The following PTPN23 variants were observed in gnomAD, a reference collection of about 807,000 sequenced individuals.
PTPN23 encodes the protein protein tyrosine phosphatase non-receptor type 23.
In PTPN23, 72 loss-of-function variants were observed where a neutral mutation model predicts 156.3. That is an observed-to-expected ratio of 0.46 (90% confidence interval 0.38 to 0.56). The LOEUF is 0.56. Among genes scored for constraint, PTPN23 ranks in the 20% least tolerant of loss-of-function variants. The pLI is 0.00. For synonymous variants in PTPN23, 957 were observed against 899.6 expected (o/e 1.06, Z -1.14); for missense variants, 1,974 against 2,171.5 (o/e 0.91, Z 1.81).
At chr3:47,383,871 A>G (rs1418196323) in intron 1 of PTPN23, among the ~76,000 whole-genome samples, 1 of 152,188 alleles carries the variant, frequency 6.6e-6, no homozygotes, top group East Asian at 1.9e-4. Context: ...ACACCACTGC[A>G]GCCTGGGGAC....
At chr3:47,384,756 C>T (rs1704619578) in intron 1 of PTPN23, among the ~76,000 whole-genome samples, 1 of 151,878 alleles carries the variant, frequency 6.6e-6, no homozygotes, top group South Asian at 2.1e-4. Flanking sequence ...GGATATTGGA[C>T]CCGTGTGAAT....
intron 1 of PTPN23, among the ~76,000 whole-genome samples, chr3:47,389,039 C>T (rs1704713953): frequency 6.6e-6 from 1 of 152,118 alleles, no homozygotes; most frequent in Non-Finnish European, 1.5e-5. Flanking sequence ...CACTCCCCCA[C>T]CCCACTCCCA....
Position 47,410,763 on chromosome 3 carries a change from C to T in PTPN23, c.2965C>T (p.Pro989Ser). 2 of 1,556,854 alleles carry T rather than the reference C, an allele frequency of 1.3e-6. No individual in the cohort carries two copies. The highest frequency in any genetic ancestry group is 2.4e-5 in the East Asian group (1 of 42,088). ...TCCACATCTCTTCCCACCCCAGGCCCCAGGACTCCTACCCCCACAATCCCC... is the reference window on the plus strand; with the variant it reads ...TCCACATCTCTTCCCACCCCAGGCCTCAGGACTCCTACCCCCACAATCCCC... ...QHPHLFPPQAPGLLPPQSPYP... is the reference protein window; with the variant it reads ...QHPHLFPPQASGLLPPQSPYP... Residue 989 changes from proline to serine, a missense_variant, in exon 20 of 25, where the codon CCA (proline) becomes TCA (serine). Pro to Ser is a moderately conservative substitution (Grantham distance 74). Coordinates refer to ENST00000265562, the MANE Select transcript of PTPN23 (RefSeq NM_015466.4).
At chr3:47,394,471 G>A (rs763873900) in intron 1 of PTPN23, among the ~76,000 whole-genome samples, 4 of 152,190 alleles carry the variant, frequency 2.6e-5, no homozygotes, top group Non-Finnish European at 5.9e-5. Context: ...TCCCTGGGAG[G>A]TGCCAGAGGA....
At chr3:47,382,674 T>C (rs1704569147) in intron 1 of PTPN23, among the ~76,000 whole-genome samples, 2 of 135,852 alleles carry the variant, frequency 1.5e-5, no homozygotes, top group East Asian at 4.5e-4. Context: ...GTTTTCTTTT[T>C]CTTTTCTTTT....
In PTPN23 at chr3:47,407,364, G is replaced by A. The variant is rs748891170; in HGVS notation, c.920G>A (p.Gly307Glu). 15 of 1,613,956 alleles carry A rather than the reference G, an allele frequency of 9.3e-6. No homozygotes were observed. In the South Asian group the frequency reaches 1.6e-4, roughly 18 times the overall value. The change falls in exon 11 of 25, where the codon GGA (glycine) becomes GAA (glutamate). Residue 307 changes from glycine (G) to glutamate (E), a missense_variant. Coordinates refer to ENST00000265562, the MANE Select transcript of PTPN23 (RefSeq NM_015466.4). The surrounding 1 kb of genome is among the most constrained non-coding windows in gnomAD (Gnocchi z 4.0). ...CGCTTCACTATGGATGTCATTGGGG[G>A]AAAGTGAGTCTGTGGGGGTGGCCCT... ...ALRFTMDVIG[G>E]KYNSAKKDND...
In PTPN23 at chr3:47,406,723, C is replaced by T. The variant is rs145837872; in HGVS notation, c.780C>T (p.Ala260=). The stretch of plus-strand genomic sequence containing the variant: ...CCCAGCTGCACATGGGAAAGCAGGC[C>T]GAGGAGCAGCAGAAGTTCGGGGAGC... ...AVAHLHMGKQ[A]EEQQKFGERV... The change falls in exon 9 of 25, where the codon GCC becomes GCT. Residue 260 remains alanine, a synonymous_variant. Coordinates refer to ENST00000265562, the MANE Select transcript of PTPN23 (RefSeq NM_015466.4). This position sits in a 1 kb window ranked among gnomAD's most constrained non-coding sequence, Gnocchi z 5.8. The T allele has an allele frequency of 3.3e-5, 53 of 1,613,744 alleles. No homozygotes were observed. Among genetic ancestry groups the T allele is most frequent in the Admixed American group, 1.3e-4 (8 of 59,992 alleles).
chr3:47,389,860 AAAAG>A (rs1218582679), intron 1 of PTPN23, among the ~76,000 whole-genome samples: 23 of 150,032 alleles, frequency 1.5e-4, no homozygotes, highest in Non-Finnish European at 3.0e-4. Flanking sequence ...AAAAAAAAAA[AAAAG>A]GAGTTCGAGA....
At chr3:47,381,989 A>G (rs1704552502) in intron 1 of PTPN23, among the ~76,000 whole-genome samples, 1 of 152,050 alleles carries the variant, frequency 6.6e-6, no homozygotes, top group African/African-American at 2.4e-5. Flanking sequence ...TAGAGCAGAA[A>G]TGAAAAGGAA....
Position 47,410,473 on chromosome 3 carries a change from C to A in PTPN23, c.2675C>A (p.Pro892His). Residue 892 changes from proline (P) to histidine (H), a missense_variant, in exon 20 of 25, where the codon CCC becomes CAC. Pro to His is a moderately conservative substitution (Grantham distance 77, BLOSUM62 -2). This residue lies in a region of PTPN23 where 731 missense variants were observed against 669.1 expected (regional missense o/e 1.09). Coordinates refer to ENST00000265562, the MANE Select transcript of PTPN23 (RefSeq NM_015466.4). Reference protein sequence around the residue: ...TTVDSIQAPIPSHTAPRPNPT... With the variant: ...TTVDSIQAPIHSHTAPRPNPT... The stretch of plus-strand genomic sequence containing the variant: ...GTAGATAGCATCCAGGCGCCCATCC[C>A]CAGCCACACAGCCCCACGGCCAAAC... 1 of 1,610,094 alleles carries A rather than the reference C, an allele frequency of 6.2e-7. No homozygotes were observed. The highest frequency in any genetic ancestry group is 2.2e-5 in the East Asian group (1 of 44,730).
chr3:47,412,113 A>G lies in PTPN23; in HGVS notation c.4093A>G (p.Ser1365Gly). 1 of 1,613,038 alleles carries G rather than the reference A, an allele frequency of 6.2e-7. No homozygotes were observed. Among genetic ancestry groups the G allele is most frequent in the Non-Finnish European group, 8.5e-7 (1 of 1,180,002 alleles). ...WPELGLPDSP[S>G]NLLRFIQEVH... Reference sequence around the variant, plus strand: ...CCACAGAGGCCTGCCCGACAGCCCCAGCAACTTGCTGCGCTTCATCCAGGA... The same window carrying G: ...CCACAGAGGCCTGCCCGACAGCCCCGGCAACTTGCTGCGCTTCATCCAGGA... Residue 1365 changes from serine (S) to glycine (G), a missense_variant, in exon 22 of 25, where the codon AGC (serine) becomes GGC (glycine). Transcript: ENST00000265562.
At chr3:47,383,903 T>C (rs1704600854) in intron 1 of PTPN23, among the ~76,000 whole-genome samples, 1 of 152,052 alleles carries the variant, frequency 6.6e-6, no homozygotes, top group African/African-American at 2.4e-5. Context: ...TGCACCCCCT[T>C]CCCCAACTGC....
chr3:47,409,354 C>T (rs370305585), intron 17 of PTPN23, 37 bp downstream of exon 17: 48 of 1,613,014 alleles, frequency 3.0e-5, no homozygotes, highest in East Asian at 1.6e-4. Flanking sequence ...GCTCTGGCTC[C>T]GGGCCCCACC....
chr3:47,392,450 G>T (rs925426525), intron 1 of PTPN23, among the ~76,000 whole-genome samples: 1 of 152,102 alleles, frequency 6.6e-6, no homozygotes, highest in Non-Finnish European at 1.5e-5. Flanking sequence ...GCCTACCAAA[G>T]TGCTGGGATT....
At chr3:47,384,072 C>A (rs1412609270) in intron 1 of PTPN23, among the ~76,000 whole-genome samples, 1 of 149,620 alleles carries the variant, frequency 6.7e-6, no homozygotes, top group African/African-American at 2.5e-5. Flanking sequence ...TGGTTAAGTA[C>A]TATGCTGAAC....
chr3:47,411,286 AC>A lies in PTPN23; in HGVS notation c.3492del (p.Tyr1165MetfsTer55). 2 of 1,611,624 alleles carry A rather than the reference AC, an allele frequency of 1.2e-6. No individual in the cohort carries two copies. The highest frequency in any genetic ancestry group is 1.7e-6 in the Non-Finnish European group (2 of 1,179,914). ...CAGGCCCTGCGGCTGATTGAGCGGG[AC>A]CCCTATGAGCATCCTGAGAGGCTGC... ...RPQALRLIER[D>X]PYEHPERLRQ... On this transcript the variant is annotated frameshift_variant, in exon 20 of 25. Transcript: ENST00000265562. LOFTEE classifies it high-confidence loss of function. This position sits in a 1 kb window ranked among gnomAD's most constrained non-coding sequence, Gnocchi z 6.3.
Position 47,410,580 on chromosome 3 carries a change from G to A in PTPN23, c.2782G>A (p.Ala928Thr), listed in dbSNP as rs201855146. The A allele has an allele frequency of 1.9e-4, 306 of 1,612,138 alleles. 1 individual carries two copies. In the East Asian group the frequency reaches 5.1e-3, roughly 27 times the overall value. Residue 928 changes from alanine to threonine, a missense_variant, in exon 20 of 25, where the codon GCT (alanine) becomes ACT (threonine). Ala to Thr is a moderately conservative substitution (Grantham distance 58). Around this residue, in one of 4 missense-constraint regions of PTPN23, gnomAD observed 731 missense variants for 669.1 expected, o/e 1.09. Coordinates refer to ENST00000265562, the MANE Select transcript of PTPN23 (RefSeq NM_015466.4). ...CACGCCTTACACCTACCCTGCAGGG[G>A]CTAAGCAACCCATCCCGGCACAGCA... ...LPTPYTYPAG[A>T]KQPIPAQHHF...
In PTPN23 at chr3:47,411,289, C is replaced by T; in HGVS notation, c.3491C>T (p.Pro1164Leu). The change falls in exon 20 of 25, where the codon CCC becomes CTC. Residue 1164 changes from proline to leucine, a missense_variant. Pro to Leu is a moderately conservative substitution (Grantham distance 98). Coordinates refer to ENST00000265562, the MANE Select transcript of PTPN23 (RefSeq NM_015466.4). This position sits in a 1 kb window ranked among gnomAD's most constrained non-coding sequence, Gnocchi z 6.3. ...GCCCTGCGGCTGATTGAGCGGGACC[C>T]CTATGAGCATCCTGAGAGGCTGCGG... is the stretch of plus-strand genomic sequence containing the variant. ...PQALRLIERD[P>L]YEHPERLRQL... 2.5e-6 allele frequency: 4 copies of T among 1,612,120 alleles called. No individual in the cohort carries two copies. Among genetic ancestry groups the T allele is most frequent in the Non-Finnish European group, 3.4e-6 (4 of 1,179,982 alleles).
chr3:47,413,351 G>C lies in PTPN23; in HGVS notation c.*166G>C. 1 of 956,434 alleles carries C rather than the reference G, an allele frequency of 1.0e-6. No homozygotes were observed. Among genetic ancestry groups the C allele is most frequent in the Admixed American group, 2.6e-5 (1 of 37,914 alleles). The allele number at this position is 956,434 out of a possible 1,614,324, so 59.2% of individuals were successfully genotyped here. A position where few individuals can be genotyped will look rare whatever the true frequency, so the allele number is the denominator to read the frequency against. The stretch of plus-strand genomic sequence containing the variant: ...CCCTGTGGGGTGGAAATGTACTGCA[G>C]GCTCTGGGTCAGGTTCTGCTCCTTT... On this transcript the variant is annotated 3_prime_UTR_variant, in exon 25 of 25. Transcript: ENST00000265562.
Sources: allele counts gnomAD v4.1 joint callset (sites outside exome capture counted in the v4.1 genomes callset), GRCh38; gene constraint gnomAD v4.1.1; regional missense constraint gnomAD v4.1.1; non-coding constraint Gnocchi (gnomAD v3.1); transcripts MANE v1.5; gene names NCBI Gene and HGNC (gene_info 2026-07-23, HGNC 2026-07-21).